LHCGR: variants seen among roughly 807,000 people sequenced by gnomAD.
The protein encoded by LHCGR is lutropin-choriogonadotropic hormone receptor.
LHCGR carries 55 observed loss-of-function variants against 60.7 expected under a neutral mutation model. The ratio of observed to expected loss-of-function variants is 0.91; its 90% CI spans 0.73 to 1.13. The LOEUF (loss-of-function observed/expected upper bound fraction) is 1.13, where lower values mean the gene tolerates loss of function less well. Among genes scored for constraint, LHCGR ranks in the 50% most tolerant of loss-of-function variants. The probability of loss-of-function intolerance (pLI) is 0.00; values close to 1 mark genes in which losing one functional copy is unlikely to be tolerated. For synonymous variants in LHCGR, 337 were observed against 316.5 expected, an observed-to-expected ratio of 1.06 and a Z score of -0.69; for missense variants, 862 against 836.0, an observed-to-expected ratio of 1.03 and a Z score of -0.38.
intron 1 of LHCGR, among the ~76,000 whole-genome samples, chr2:48,741,741 CA>C (rs759213441): frequency 6.6e-6 from 1 of 150,730 alleles, no homozygotes; most frequent in African/African-American, 2.4e-5. Flanking sequence ...AAAATCATGC[CA>C]AAATGTAAAG....
chr2:48,737,699 G>A (rs1222320543), intron 1 of LHCGR, among the ~76,000 whole-genome samples: 1 of 152,222 alleles, frequency 6.6e-6, no homozygotes, highest in Non-Finnish European at 1.5e-5. Flanking sequence ...TATGAAGTCA[G>A]TATAGATGAA....
intron 1 of LHCGR, among the ~76,000 whole-genome samples, chr2:48,745,576 C>T (rs986311100): frequency 5.3e-5 from 8 of 151,704 alleles, no homozygotes; most frequent in Admixed American, 1.3e-4. Context: ...AATCATCATT[C>T]TCAGTAAACT....
intron 8 of LHCGR, among the ~76,000 whole-genome samples, chr2:48,704,367 T>C (rs932060777): frequency 5.3e-5 from 8 of 152,216 alleles, no homozygotes; most frequent in Non-Finnish European, 1.0e-4. Flanking sequence ...TGTGGTGTAC[T>C]CTGCCAGGTT....
Position 48,687,634 on chromosome 2 carries a change from G to C in LHCGR, c.*63C>G, listed in dbSNP as rs1329839668. ...CCAACCCTTTATGTTAAAATTACTGGTACAGGTAATTTTTTTTTACAGGTT... is the reference window on the plus strand; with the variant it reads ...CCAACCCTTTATGTTAAAATTACTGCTACAGGTAATTTTTTTTTACAGGTT... On this transcript the variant is annotated 3_prime_UTR_variant, in exon 11 of 11. Coordinates refer to ENST00000294954, the MANE Select transcript of LHCGR (RefSeq NM_000233.4). The C allele has an allele frequency of 7.4e-7, 1 of 1,357,832 alleles. No homozygotes were observed. The highest frequency in any genetic ancestry group is 1.4e-5 in the African/African-American group (1 of 69,538). The allele number at this position is 1,357,832 out of a possible 1,614,324, so 84.1% of individuals were successfully genotyped here. A position where few individuals can be genotyped will look rare whatever the true frequency, so the allele number is the denominator to read the frequency against.
intron 8 of LHCGR, among the ~76,000 whole-genome samples, chr2:48,700,852 G>A (rs1667372577): frequency 6.6e-6 from 1 of 152,130 alleles, no homozygotes; most frequent in East Asian, 1.9e-4. Context: ...GATATTAGAG[G>A]GAGTTAGGAT....
At chr2:48,746,766 C>T (rs922686943) in intron 1 of LHCGR, among the ~76,000 whole-genome samples, 1 of 152,186 alleles carries the variant, frequency 6.6e-6, no homozygotes, top group African/African-American at 2.4e-5. Context: ...AGAAACAAAG[C>T]AAAATAACCC....
At chr2:48,731,526 T>C (rs1317272492) in intron 1 of LHCGR, among the ~76,000 whole-genome samples, 1 of 152,186 alleles carries the variant, frequency 6.6e-6, no homozygotes, top group Admixed American at 6.5e-5. Flanking sequence ...ACTGTGAACG[T>C]TGAGATTAGG....
intron 6 of LHCGR, among the ~76,000 whole-genome samples, chr2:48,716,090 A>T (rs1668237458): frequency 6.6e-6 from 1 of 152,100 alleles, no homozygotes; most frequent in Non-Finnish European, 1.5e-5. Context: ...TGCCACTTTC[A>T]ATAGTTTTCA....
At chr2:48,710,456 G>A (rs1439149036) in intron 7 of LHCGR, among the ~76,000 whole-genome samples, 2 of 152,114 alleles carry the variant, frequency 1.3e-5, no homozygotes, top group Non-Finnish European at 2.9e-5. Context: ...CATTTCACAC[G>A]TTTTATTAAA....
chr2:48,693,913 G>T (rs1386909726), intron 10 of LHCGR, among the ~76,000 whole-genome samples: 6 of 152,146 alleles, frequency 3.9e-5, no homozygotes, highest in Admixed American at 3.9e-4. Context: ...TACAAATGAA[G>T]GTATCAGTTG....
intron 4 of LHCGR, among the ~76,000 whole-genome samples, chr2:48,725,050 A>G (rs1027564116): frequency 6.6e-6 from 1 of 152,212 alleles, no homozygotes; most frequent in Admixed American, 6.5e-5. Flanking sequence ...AAAGATCCAT[A>G]GTGATAAATT....
At chr2:48,710,084 T>G (rs138415399) in intron 7 of LHCGR, among the ~76,000 whole-genome samples, 7 of 152,170 alleles carry the variant, frequency 4.6e-5, no homozygotes, top group African/African-American at 1.7e-4. Context: ...CCCGCCTTCA[T>G]TGCTGTTTAA....
At chr2:48,710,632 A>C (rs150697130) in intron 7 of LHCGR, among the ~76,000 whole-genome samples, 375 of 152,318 alleles carry the variant, frequency 2.5e-3, no homozygotes, top group African/African-American at 8.8e-3. Flanking sequence ...ACAGGGGAAG[A>C]ACCCACAAGC....
chr2:48,713,886 A>G, intron 7 of LHCGR, 100 bp downstream of exon 7: 2 of 966,888 alleles, frequency 2.1e-6, no homozygotes, highest in South Asian at 1.4e-5. Flanking sequence ...TTGAAAGTTT[A>G]TTTTTGCCCT....
At chr2:48,690,734 A>G (rs1444459428) in intron 10 of LHCGR, among the ~76,000 whole-genome samples, 2 of 152,224 alleles carry the variant, frequency 1.3e-5, no homozygotes, top group African/African-American at 2.4e-5. Context: ...GTACCCAAGT[A>G]TTATTTATCC....
At chr2:48,725,157 G>T (rs1395114981) in intron 4 of LHCGR, among the ~76,000 whole-genome samples, 1 of 152,108 alleles carries the variant, frequency 6.6e-6, no homozygotes, top group Non-Finnish European at 1.5e-5. Context: ...GACTTAGTTA[G>T]AATTAATGGG....
At chr2:48,715,215 A>G (rs1431606295) in intron 6 of LHCGR, among the ~76,000 whole-genome samples, 2 of 152,116 alleles carry the variant, frequency 1.3e-5, no homozygotes, top group East Asian at 1.9e-4. Flanking sequence ...TTATGTTTTT[A>G]TTGTTTACCT....
intron 8 of LHCGR, among the ~76,000 whole-genome samples, chr2:48,707,196 T>C (rs6545059): frequency 0.99 from 150,091 of 152,352 alleles, 73,940 homozygotes; most frequent in East Asian, 1. Flanking sequence ...CACTCCGGAC[T>C]CTGTTTGCCT....
At chr2:48,693,765 A>T (rs1237189499) in intron 10 of LHCGR, among the ~76,000 whole-genome samples, 1 of 152,224 alleles carries the variant, frequency 6.6e-6, no homozygotes, top group Non-Finnish European at 1.5e-5. Flanking sequence ...TAGCGATAGC[A>T]TTAAGACTCA....
Sources: gnomAD v4.1 joint callset for allele counts (sites outside exome capture counted in the v4.1 genomes callset) on GRCh38, gnomAD v4.1.1 for gene constraint, MANE v1.5 for transcripts, NCBI Gene and HGNC (gene_info 2026-07-23, HGNC 2026-07-21) for gene names.